The following RHBDD1 variants were observed in gnomAD, a reference collection of about 807,000 sequenced individuals.
RHBDD1 encodes the protein rhomboid domain containing 1, also known as rhomboid-related protein 4.
A neutral mutation model predicts 36.3 loss-of-function variants in RHBDD1; 38 were observed. The observed-to-expected ratio is 1.05, with a 90% CI of 0.81 to 1.37. The LOEUF (loss-of-function observed/expected upper bound fraction) is 1.37, where lower values mean the gene tolerates loss of function less well. RHBDD1 is among the 40% of genes most tolerant of loss of function. The probability of loss-of-function intolerance (pLI) is 0.00; values close to 1 mark genes in which losing one functional copy is unlikely to be tolerated. For missense variants in RHBDD1, 393 were observed against 377.6 expected (o/e 1.04, Z -0.34); for synonymous variants, 151 against 136.5 (o/e 1.11, Z -0.74).
chr2:226,966,837 ATT>A lies in RHBDD1; in HGVS notation c.857-28581_857-28580del, dbSNP rs56864331. Among the ~76,000 whole-genome samples the A allele has an allele frequency of 2.6e-3, 381 of 147,094 alleles. 1 individual carries two copies. Among genetic ancestry groups the A allele is most frequent in the African/African-American group, 7.6e-3 (305 of 40,116 alleles). ...GGCATAGGCCACCACATTCTTTTTAATTTTTTTTTTTTTTGGTAGAAATGGGA... is the reference window on the plus strand; with the variant it reads ...GGCATAGGCCACCACATTCTTTTTAATTTTTTTTTTTTGGTAGAAATGGGA... On this transcript the variant is annotated intron_variant, in intron 8 of 8. Coordinates refer to ENST00000392062, the MANE Select transcript of RHBDD1 (RefSeq NM_001167608.3).
chr2:226,826,609 C>T, the RHBDD1 span, among the ~76,000 whole-genome samples: 1 of 151,518 alleles, frequency 6.6e-6, no homozygotes, highest in African/African-American at 2.4e-5. Flanking sequence ...CAACCTCCAC[C>T]TCCTGGGTTC....
the RHBDD1 span, among the ~76,000 whole-genome samples, chr2:226,805,915 A>G: frequency 2.6e-5 from 4 of 152,264 alleles, no homozygotes; most frequent in South Asian, 6.2e-4. Context: ...GCAAATCATC[A>G]TAACTTTTTC....
intron 7 of RHBDD1, among the ~76,000 whole-genome samples, chr2:226,910,819 G>T (rs1206534099): frequency 6.6e-6 from 1 of 151,982 alleles, no homozygotes; most frequent in African/African-American, 2.4e-5. Context: ...GAAAATTTTT[G>T]GTCCTACGGG....
At position 226,911,644 on chromosome 2, in the gene RHBDD1, T is replaced by C. The variant is rs1289850467; in HGVS notation, c.713-2564T>C. On this transcript the variant is annotated intron_variant, in intron 7 of 8. Coordinates refer to ENST00000392062, the MANE Select transcript of RHBDD1 (RefSeq NM_001167608.3). ...CAAGGTCTGAAACTGGCTGGTTGGG[T>C]GTTCCCCAGTGCAGCAATGGGGGCT... 2.0e-5 allele frequency among the ~76,000 whole-genome samples: 3 copies of C among 150,050 alleles called. No individual in the cohort carries two copies. The Admixed American group carries it at 2.0e-4, about 10-fold the overall frequency.
chr2:226,984,436 A>G (rs1346285424), intron 8 of RHBDD1, among the ~76,000 whole-genome samples: 1 of 152,198 alleles, frequency 6.6e-6, no homozygotes, highest in African/African-American at 2.4e-5. Context: ...TCATTCCCTG[A>G]TAAGTTTACC....
At chr2:226,927,004 G>T (rs578119640) in intron 8 of RHBDD1, among the ~76,000 whole-genome samples, 1 of 152,148 alleles carries the variant, frequency 6.6e-6, no homozygotes, top group African/African-American at 2.4e-5. Flanking sequence ...GTACACTTAT[G>T]TGAGCTTTGA....
At chr2:226,930,998 A>G (rs1949998878) in intron 8 of RHBDD1, among the ~76,000 whole-genome samples, 1 of 151,980 alleles carries the variant, frequency 6.6e-6, no homozygotes, top group Admixed American at 6.6e-5. Context: ...AATAGATGTT[A>G]GTGTGAATGT....
At chr2:226,841,802 G>A (rs894379012) in intron 3 of RHBDD1, among the ~76,000 whole-genome samples, 3 of 152,074 alleles carry the variant, frequency 2.0e-5, no homozygotes, top group African/African-American at 4.8e-5. Flanking sequence ...ATTCCTTTGG[G>A]TATATACCCA....
In RHBDD1 at chr2:226,906,877, T is replaced by A; in HGVS notation, c.651T>A (p.Cys217Ter). ...QGPLKKIMEA[C>*]AGGFSSSVGY... ...CTCTGAAGAAAATCATGGAAGCATGTGCAGGTACAGAATAAAACACCTTTG... is the reference window on the plus strand; with the variant it reads ...CTCTGAAGAAAATCATGGAAGCATGAGCAGGTACAGAATAAAACACCTTTG... Residue 217 changes from cysteine to a stop codon, truncating the protein, a stop_gained, in exon 6 of 9, where the codon TGT becomes TGA. Transcript: ENST00000392062. LOFTEE classifies it high-confidence loss of function. 5.6e-6 allele frequency: 9 copies of A among 1,614,132 alleles called. No homozygotes were observed. Among genetic ancestry groups the A allele is most frequent in the Non-Finnish European group, 7.6e-6 (9 of 1,179,960 alleles).
At chr2:226,983,687 T>G (rs1381572817) in intron 8 of RHBDD1, among the ~76,000 whole-genome samples, 1 of 151,952 alleles carries the variant, frequency 6.6e-6, no homozygotes, top group Non-Finnish European at 1.5e-5. Flanking sequence ...CGTGCAAAGG[T>G]TAAGGAGTGT....
chr2:226,824,028 G>T, the RHBDD1 span, among the ~76,000 whole-genome samples: 2 of 152,086 alleles, frequency 1.3e-5, no homozygotes, highest in Non-Finnish European at 2.9e-5. Flanking sequence ...GACCTTTGGG[G>T]AAAACATACA....
the RHBDD1 span, among the ~76,000 whole-genome samples, chr2:226,818,563 G>A: frequency 7.6e-4 from 116 of 151,646 alleles, no homozygotes; most frequent in Admixed American, 5.2e-4. Context: ...TGACCTGGCC[G>A]GGTGTGGTGG....
At chr2:226,913,386 T>A (rs779521132) in intron 7 of RHBDD1, among the ~76,000 whole-genome samples, 20 of 152,236 alleles carry the variant, frequency 1.3e-4, no homozygotes, top group Non-Finnish European at 2.5e-4. Flanking sequence ...TATGCCAGAA[T>A]GAGATTGGTA....
At position 226,929,352 on chromosome 2, in the gene RHBDD1, A is replaced by T. The variant is rs144464636; in HGVS notation, c.856+15001A>T. Among the ~76,000 whole-genome samples, 1,403 of 152,254 alleles carry T rather than the reference A, an allele frequency of 9.2e-3. 16 individuals carry two copies. Among genetic ancestry groups the T allele is most frequent in the Non-Finnish European group, 0.012 (811 of 67,984 alleles). On this transcript the variant is annotated intron_variant, in intron 8 of 8. Coordinates refer to ENST00000392062, the MANE Select transcript of RHBDD1 (RefSeq NM_001167608.3). ...GTAGCAGGAATGGTTCAACATTCAC[A>T]AGTCAATAAATGTGATTCATCACAC...
chr2:226,890,673 A>G (rs1200107188), intron 5 of RHBDD1, among the ~76,000 whole-genome samples: 1 of 152,158 alleles, frequency 6.6e-6, no homozygotes, highest in Non-Finnish European at 1.5e-5. Context: ...ATACATTCCA[A>G]TTATGCTCTT....
intron 8 of RHBDD1, among the ~76,000 whole-genome samples, chr2:226,917,523 C>T (rs1260231712): frequency 2.0e-5 from 3 of 152,032 alleles, no homozygotes; most frequent in African/African-American, 4.8e-5. Context: ...CTCTGTCTAA[C>T]TAGTTGCTTG....
intron 8 of RHBDD1, among the ~76,000 whole-genome samples, chr2:226,945,173 A>T (rs1038281687): frequency 6.7e-6 from 1 of 149,748 alleles, no homozygotes; most frequent in African/African-American, 2.4e-5. Context: ...TATTATTATT[A>T]TTATACTTTA....
Position 226,864,946 on chromosome 2 carries a change from A to G in RHBDD1, c.253A>G (p.Met85Val). 1 of 1,614,228 alleles carries G rather than the reference A, an allele frequency of 6.2e-7. No individual in the cohort carries two copies. Residue 85 changes from methionine to valine, a missense_variant, in exon 4 of 9, where the codon ATG becomes GTG. By Grantham distance (21) the Met-to-Val change is conservative. Coordinates refer to ENST00000392062, the MANE Select transcript of RHBDD1 (RefSeq NM_001167608.3). Reference protein sequence around the residue: ...HADDWHLYFNMASMLWKGINL... With the variant: ...HADDWHLYFNVASMLWKGINL... ...TGATGATTGGCATTTGTATTTCAAT[A>G]TGGCATCCATGCTCTGGAAAGGAAT...
chr2:226,846,090 T>C (rs1299015017), intron 3 of RHBDD1, among the ~76,000 whole-genome samples: 2 of 152,214 alleles, frequency 1.3e-5, no homozygotes, highest in Non-Finnish European at 2.9e-5. Flanking sequence ...TTGTTGAAAT[T>C]GGTGGTCAGG....
Sources: gnomAD v4.1 joint callset for allele counts (sites outside exome capture counted in the v4.1 genomes callset) on GRCh38, gnomAD v4.1.1 for gene constraint, MANE v1.5 for transcripts, NCBI Gene and HGNC (gene_info 2026-07-23, HGNC 2026-07-21) for gene names.